CADPS2: variants seen among roughly 807,000 people sequenced by gnomAD.
CADPS2 encodes the protein calcium dependent secretion activator 2, also known as calcium-dependent secretion activator 2.
CADPS2 carries 93 observed loss-of-function variants against 172.5 expected under a neutral mutation model. The ratio of observed to expected loss-of-function variants is 0.54; its 90% CI spans 0.46 to 0.64. The LOEUF (loss-of-function observed/expected upper bound fraction) is 0.64, where lower values mean the gene tolerates loss of function less well. CADPS2 is among the 30% of genes least tolerant of loss of function. CADPS2 has a pLI of 0.00. For synonymous variants in CADPS2, 546 were observed against 555.2 expected (o/e 0.98, Z 0.23); for missense variants, 1,420 against 1,565.9 (o/e 0.91, Z 1.57).
intron 20 of CADPS2, 123 bp from the exon 21 acceptor site, chr7:122,393,705 G>A (rs953616888): frequency 6.3e-6 from 6 of 959,126 alleles, no homozygotes; most frequent in African/African-American, 1.7e-5. Flanking sequence ...AAATGCAGAT[G>A]AGAGTAGATC....
chr7:122,513,850 T>C (rs1449777303), intron 8 of CADPS2, among the ~76,000 whole-genome samples: 2 of 152,212 alleles, frequency 1.3e-5, no homozygotes, highest in African/African-American at 4.8e-5. Flanking sequence ...CTAAGGTCTC[T>C]GCTAGCTCCA....
intron 17 of CADPS2, among the ~76,000 whole-genome samples, chr7:122,426,729 T>C (rs1156343564): frequency 6.6e-6 from 1 of 152,220 alleles, no homozygotes; most frequent in Non-Finnish European, 1.5e-5. Flanking sequence ...GCTATGTCTC[T>C]TGGTGTACCT....
intron 6 of CADPS2, among the ~76,000 whole-genome samples, chr7:122,596,743 C>T (rs894747306): frequency 6.6e-6 from 1 of 152,034 alleles, no homozygotes; most frequent in Non-Finnish European, 1.5e-5. Context: ...CACAGACTTT[C>T]GAATCTAAGA....
At chr7:122,410,927 C>T (rs1466080763) in intron 19 of CADPS2, among the ~76,000 whole-genome samples, 1 of 152,306 alleles carries the variant, frequency 6.6e-6, no homozygotes, top group South Asian at 2.1e-4. Context: ...ATTATCCTTA[C>T]TTTATAGGTT....
chr7:122,804,910 AAC>A (rs1466057555), intron 1 of CADPS2, among the ~76,000 whole-genome samples: 1 of 152,234 alleles, frequency 6.6e-6, no homozygotes, highest in African/African-American at 2.4e-5. Context: ...TTGTACATGA[AAC>A]AATGAATAAG....
chr7:122,364,413 TAAAAAA>T (rs916412439), intron 25 of CADPS2, among the ~76,000 whole-genome samples: 49 of 77,906 alleles, frequency 6.3e-4, no homozygotes, highest in Non-Finnish European at 9.6e-4. Flanking sequence ...TGTCTCAAGT[TAAAAAA>T]AAAAAAAAAA....
intron 1 of CADPS2, among the ~76,000 whole-genome samples, chr7:122,879,670 A>T (rs1822342446): frequency 1.3e-5 from 2 of 152,350 alleles, no homozygotes; most frequent in Middle Eastern, 3.4e-3. Flanking sequence ...ATTGACAAAG[A>T]CAGGCTTTAA....
At chr7:122,771,002 T>G (rs2093690308) in intron 1 of CADPS2, among the ~76,000 whole-genome samples, 1 of 152,184 alleles carries the variant, frequency 6.6e-6, no homozygotes, top group Non-Finnish European at 1.5e-5. Context: ...ATTCTGAAGC[T>G]GTGGACAGGG....
At position 122,675,922 on chromosome 7, in the gene CADPS2, G is replaced by A. The variant is rs190397426; in HGVS notation, c.454-12353C>T. Among the ~76,000 whole-genome samples the A allele has an allele frequency of 2.7e-3, 406 of 151,894 alleles. 3 individuals carry two copies. The highest frequency in any genetic ancestry group is 7.0e-3 in the African/African-American group (291 of 41,430). On this transcript the variant is annotated intron_variant, in intron 2 of 29. Transcript: ENST00000449022. ...GTTGATAGGTGCAGCAAACCACCAC[G>A]GCACATGCACGCCCATGCAACAAAC...
intron 3 of CADPS2, among the ~76,000 whole-genome samples, chr7:122,656,635 A>G (rs535186532): frequency 2.0e-5 from 3 of 152,228 alleles, no homozygotes; most frequent in South Asian, 2.1e-4. Context: ...CTTTACCACA[A>G]TACCAACACA....
chr7:122,746,588 CACACTA>C (rs901676717), intron 1 of CADPS2, among the ~76,000 whole-genome samples: 2 of 151,812 alleles, frequency 1.3e-5, no homozygotes, highest in East Asian at 1.9e-4. Flanking sequence ...ACATGTAAAA[CACACTA>C]ACACTAACGA....
At chr7:122,655,667 G>A (rs984020879) in intron 3 of CADPS2, among the ~76,000 whole-genome samples, 3 of 151,842 alleles carry the variant, frequency 2.0e-5, no homozygotes, top group Non-Finnish European at 4.4e-5. Context: ...GTCTGGAACT[G>A]GACCCACAAT....
At chr7:122,774,557 A>G (rs1034606975) in intron 1 of CADPS2, among the ~76,000 whole-genome samples, 1 of 152,132 alleles carries the variant, frequency 6.6e-6, no homozygotes, top group Admixed American at 6.5e-5. Flanking sequence ...TAAATGTTCT[A>G]CCAATTATGG....
At chr7:122,650,053 C>A (rs1042966892) in intron 3 of CADPS2, among the ~76,000 whole-genome samples, 1 of 150,578 alleles carries the variant, frequency 6.6e-6, no homozygotes, top group Non-Finnish European at 1.5e-5. Flanking sequence ...GGATTACATG[C>A]GCGTGCCACC....
intron 2 of CADPS2, among the ~76,000 whole-genome samples, chr7:122,705,770 T>C (rs1388255878): frequency 7.5e-5 from 1 of 13,376 alleles, no homozygotes; most frequent in African/African-American, 2.9e-4. Flanking sequence ...TAATATATGA[T>C]ATATTATATA....
At chr7:122,381,856 C>A (rs1481626942) in intron 24 of CADPS2, among the ~76,000 whole-genome samples, 1 of 152,042 alleles carries the variant, frequency 6.6e-6, no homozygotes, top group South Asian at 2.1e-4. Context: ...AAATTTAATA[C>A]CCAAGGGGTA....
rs1491287554 is a variant in CADPS2, at chr7:122,381,455, T to TC, written c.3313-2014dup. On this transcript the variant is annotated intron_variant, in intron 24 of 29. Coordinates refer to ENST00000449022, the MANE Select transcript of CADPS2 (RefSeq NM_017954.11). Reference sequence around the variant, plus strand: ...AAACATGCCTTATCCCCAATGTTTTTCTCTGTTTTCATAACTTCCATTTTT... The same window carrying TC: ...AAACATGCCTTATCCCCAATGTTTTTCCTCTGTTTTCATAACTTCCATTTTT... Among the ~76,000 whole-genome samples the TC allele has an allele frequency of 2.6e-5, 4 of 152,230 alleles. No homozygotes were observed. In the South Asian group the frequency reaches 6.2e-4, roughly 24 times the overall value.
intron 2 of CADPS2, among the ~76,000 whole-genome samples, chr7:122,670,576 C>A (rs1037657725): frequency 3.3e-5 from 5 of 151,894 alleles, no homozygotes; most frequent in Non-Finnish European, 5.9e-5. Flanking sequence ...CAGCTCACTG[C>A]AACCTCTGCC....
chr7:122,594,649 G>A (rs1403662771), intron 6 of CADPS2, among the ~76,000 whole-genome samples: 2 of 151,904 alleles, frequency 1.3e-5, no homozygotes, highest in African/African-American at 2.4e-5. Context: ...ACAAAATCAG[G>A]TTTCAGAAAT....
Sources: allele counts gnomAD v4.1 joint callset (sites outside exome capture counted in the v4.1 genomes callset), GRCh38; gene constraint gnomAD v4.1.1; transcripts MANE v1.5; gene names NCBI Gene and HGNC (gene_info 2026-07-23, HGNC 2026-07-21).